Variants in TAFA2 observed in about 807,000 individuals in gnomAD.
The protein encoded by TAFA2 is TAFA chemokine like family member 2.
Under a neutral mutation model 18.8 loss-of-function variants are expected in TAFA2, and 7 were observed. The observed-to-expected ratio is 0.37, with a 90% CI of 0.21 to 0.70. TAFA2 has a LOEUF of 0.70. Ranked by LOEUF, TAFA2 falls within the 30% of genes least tolerant of loss-of-function variation. The pLI is 0.53. For synonymous variants in TAFA2, 60 were observed against 54.2 expected (o/e 1.11, Z -0.47); for missense variants, 122 against 158.1 (o/e 0.77, Z 1.23).
At chr12:61,960,030 G>A (rs1176819835) in intron 1 of TAFA2, among the ~76,000 whole-genome samples, 3 of 151,832 alleles carry the variant, frequency 2.0e-5, no homozygotes, top group South Asian at 4.1e-4. Flanking sequence ...GTATACCACC[G>A]GAACTAGCTT....
intron 1 of TAFA2, among the ~76,000 whole-genome samples, chr12:61,958,287 C>T (rs901722495): frequency 6.6e-6 from 1 of 151,860 alleles, no homozygotes; most frequent in Non-Finnish European, 1.5e-5. Context: ...ATGGATATAC[C>T]CTAGTGCCTT....
intron 4 of TAFA2, among the ~76,000 whole-genome samples, chr12:61,740,987 T>C (rs550626637): frequency 6.6e-6 from 1 of 152,164 alleles, no homozygotes; most frequent in South Asian, 2.1e-4. Context: ...ATAAGCTATA[T>C]GTATTATTTT....
At chr12:61,809,573 T>G (rs912699408) in intron 2 of TAFA2, among the ~76,000 whole-genome samples, 2 of 151,130 alleles carry the variant, frequency 1.3e-5, no homozygotes, top group Admixed American at 1.3e-4. Flanking sequence ...AGGCACTGAT[T>G]ATTAACTAAT....
chr12:62,002,202 G>A (rs951169137), intron 1 of TAFA2, among the ~76,000 whole-genome samples: 1 of 152,134 alleles, frequency 6.6e-6, no homozygotes, highest in African/African-American at 2.4e-5. Context: ...TCTGTATATT[G>A]CATGTATTCC....
chr12:62,044,139 G>A (rs1301409718), intron 1 of TAFA2, among the ~76,000 whole-genome samples: 1 of 151,480 alleles, frequency 6.6e-6, no homozygotes, highest in Non-Finnish European at 1.5e-5. Flanking sequence ...TTGGGCAGTG[G>A]GTGTTAAAAA....
intron 1 of TAFA2, among the ~76,000 whole-genome samples, chr12:62,060,501 T>C (rs978951909): frequency 1.3e-5 from 2 of 152,174 alleles, no homozygotes; most frequent in African/African-American, 2.4e-5. Context: ...ACATAATACT[T>C]AATAATAACA....
intron 1 of TAFA2, among the ~76,000 whole-genome samples, chr12:61,882,410 TG>T (rs1297743789): frequency 6.6e-6 from 1 of 152,198 alleles, no homozygotes; most frequent in African/African-American, 2.4e-5. Flanking sequence ...CTCAGTTGAT[TG>T]GGGGGAAAAT....
At chr12:61,754,769 T>A in intron 3 of TAFA2, 103 bp downstream of exon 3, 1 of 1,137,740 alleles carries the variant, frequency 8.8e-7, no homozygotes, top group Non-Finnish European at 1.2e-6. Flanking sequence ...ATTTGTAGTA[T>A]GTTCACCCAG....
At chr12:61,712,812 T>C (rs1353401072) in intron 4 of TAFA2, among the ~76,000 whole-genome samples, 1 of 6,920 alleles carries the variant, frequency 1.4e-4, no homozygotes, top group Non-Finnish European at 6.1e-4. Context: ...ATACTTGATT[T>C]TTTTTTTTTG....
At chr12:61,821,422 G>C (rs1222482481) in intron 2 of TAFA2, among the ~76,000 whole-genome samples, 1 of 151,990 alleles carries the variant, frequency 6.6e-6, no homozygotes, top group Admixed American at 6.6e-5. Context: ...CAGAACCTAA[G>C]TAGGAGTTTT....
At chr12:62,156,783 C>T (rs1313674729) in intron 1 of TAFA2, among the ~76,000 whole-genome samples, 1 of 152,082 alleles carries the variant, frequency 6.6e-6, no homozygotes, top group Non-Finnish European at 1.5e-5. Context: ...AAATACGGTG[C>T]AGTGTACACT....
At chr12:62,000,485 C>G (rs56221149) in intron 1 of TAFA2, among the ~76,000 whole-genome samples, 44,335 of 145,150 alleles carry the variant, frequency 0.31, 10,289 homozygotes, top group Non-Finnish European at 0.37. Context: ...AAGTGTCTGA[C>G]AGTATTTTCA....
intron 4 of TAFA2, among the ~76,000 whole-genome samples, chr12:61,731,094 A>G (rs1328422857): frequency 6.6e-6 from 1 of 152,072 alleles, no homozygotes; most frequent in African/African-American, 2.4e-5. Context: ...GGGGACTGGG[A>G]GTACCTCCAG....
At chr12:61,804,869 A>C (rs1871544999) in intron 2 of TAFA2, among the ~76,000 whole-genome samples, 1 of 152,060 alleles carries the variant, frequency 6.6e-6, no homozygotes, top group African/African-American at 2.4e-5. Context: ...AATCAAGAGA[A>C]TCATGACCCA....
chr12:62,177,308 C>T (rs1206982777), intron 1 of TAFA2, among the ~76,000 whole-genome samples: 1 of 152,220 alleles, frequency 6.6e-6, no homozygotes, highest in African/African-American at 2.4e-5. Context: ...ACCAACTTGT[C>T]TAGGCAGCAG....
chr12:61,938,375 G>A (rs1592500180), intron 1 of TAFA2, among the ~76,000 whole-genome samples: 2 of 151,772 alleles, frequency 1.3e-5, no homozygotes, highest in East Asian at 3.9e-4. Flanking sequence ...GATTTGTTAT[G>A]CAGGTAAACT....
chr12:62,017,110 T>C (rs1370405114), intron 1 of TAFA2, among the ~76,000 whole-genome samples: 1 of 152,170 alleles, frequency 6.6e-6, no homozygotes, highest in African/African-American at 2.4e-5. Context: ...GTAAATACTA[T>C]TAATGTTTCA....
At chr12:61,926,174 A>C (rs891043321) in intron 1 of TAFA2, among the ~76,000 whole-genome samples, 1 of 152,204 alleles carries the variant, frequency 6.6e-6, no homozygotes, top group Non-Finnish European at 1.5e-5. Context: ...TAGACCAAAA[A>C]CAAGTTCTGA....
chr12:62,216,817 T>C (rs1480980631), intron 1 of TAFA2, among the ~76,000 whole-genome samples: 1 of 152,204 alleles, frequency 6.6e-6, no homozygotes, highest in Non-Finnish European at 1.5e-5. Context: ...AACTGGTCAT[T>C]TGTCAAAACA....
Sources: gnomAD v4.1 joint callset for allele counts (sites outside exome capture counted in the v4.1 genomes callset) on GRCh38, gnomAD v4.1.1 for gene constraint, MANE v1.5 for transcripts, NCBI Gene and HGNC (gene_info 2026-07-23, HGNC 2026-07-21) for gene names.